Variants in PID1 observed in about 807,000 individuals in gnomAD.
PID1 encodes the protein phosphotyrosine interaction domain containing 1, also known as PTB-containing, cubilin and LRP1-interacting protein.
PID1 carries 10 observed loss-of-function variants against 19.1 expected under a neutral mutation model. The ratio of observed to expected loss-of-function variants is 0.52; its 90% CI spans 0.32 to 0.89. The LOEUF is 0.89. PID1 is among the 40% of genes least tolerant of loss of function. The pLI is 0.03. For missense variants in PID1, 248 were observed against 285.3 expected, an observed-to-expected ratio of 0.87 and a Z score of 0.94; for synonymous variants, 130 against 116.0, an observed-to-expected ratio of 1.12 and a Z score of -0.78.
intron 2 of PID1, among the ~76,000 whole-genome samples, chr2:229,096,242 A>G (rs1694968859): frequency 6.6e-6 from 1 of 152,174 alleles, no homozygotes. Context: ...AAAAAATGTG[A>G]TTAATCTGAA....
chr2:229,101,440 T>G (rs1695071697), intron 2 of PID1, among the ~76,000 whole-genome samples: 1 of 152,160 alleles, frequency 6.6e-6, no homozygotes, highest in Admixed American at 6.5e-5. Context: ...TGTAGGCATG[T>G]GCAGAAACTG....
intron 2 of PID1, among the ~76,000 whole-genome samples, chr2:229,042,137 T>C (rs956705324): frequency 6.6e-6 from 1 of 152,018 alleles, no homozygotes; most frequent in Non-Finnish European, 1.5e-5. Context: ...CATTTTGCTA[T>C]CAAACAGTTC....
chr2:229,120,223 C>T (rs77750028), intron 2 of PID1, among the ~76,000 whole-genome samples: 14,725 of 152,158 alleles, frequency 0.097, 875 homozygotes, highest in South Asian at 0.26. Context: ...CCACATATAA[C>T]TTTTGATTCC....
At chr2:229,081,361 G>A (rs1320591706) in intron 2 of PID1, among the ~76,000 whole-genome samples, 2 of 152,170 alleles carry the variant, frequency 1.3e-5, no homozygotes, top group Non-Finnish European at 2.9e-5. Context: ...TAATGATAAT[G>A]CAACATAAAA....
intron 1 of PID1, among the ~76,000 whole-genome samples, chr2:229,216,052 C>T (rs1467454346): frequency 6.6e-6 from 1 of 152,148 alleles, no homozygotes. Flanking sequence ...GAGGATGTCC[C>T]CCTCAGTGAC....
At chr2:229,254,544 C>T (rs968601831) in intron 1 of PID1, among the ~76,000 whole-genome samples, 5 of 152,160 alleles carry the variant, frequency 3.3e-5, no homozygotes, top group African/African-American at 1.2e-4. Context: ...AGTAACTAAT[C>T]ATGTTTCTCT....
At chr2:229,139,429 A>G (rs954942916) in intron 2 of PID1, among the ~76,000 whole-genome samples, 1 of 152,174 alleles carries the variant, frequency 6.6e-6, no homozygotes, top group Non-Finnish European at 1.5e-5. Flanking sequence ...CCCCACCCAC[A>G]GAATCTAAGA....
chr2:229,264,599 T>C (rs1230862073), intron 1 of PID1, among the ~76,000 whole-genome samples: 3 of 152,068 alleles, frequency 2.0e-5, no homozygotes, highest in East Asian at 3.9e-4. Context: ...TTCCTATACA[T>C]TGAGAATAAA....
chr2:229,179,020 T>C (rs1690884571), intron 1 of PID1, among the ~76,000 whole-genome samples: 1 of 152,148 alleles, frequency 6.6e-6, no homozygotes, highest in Admixed American at 6.5e-5. Flanking sequence ...TGTGATCCCT[T>C]TAACCACTAA....
intron 2 of PID1, among the ~76,000 whole-genome samples, chr2:229,086,921 A>ACACG: frequency 6.7e-6 from 1 of 150,350 alleles, no homozygotes; most frequent in South Asian, 2.1e-4. Context: ...ACACACACAC[A>ACACG]CACACACACA....
At chr2:229,217,094 T>C (rs1691864266) in intron 1 of PID1, among the ~76,000 whole-genome samples, 1 of 152,158 alleles carries the variant, frequency 6.6e-6, no homozygotes, top group African/African-American at 2.4e-5. Flanking sequence ...CCAGTGTCCT[T>C]TACTTTCCAT....
intron 1 of PID1, among the ~76,000 whole-genome samples, chr2:229,172,757 G>A (rs1431591238): frequency 6.6e-6 from 1 of 152,064 alleles, no homozygotes; most frequent in Non-Finnish European, 1.5e-5. Flanking sequence ...TGAGACAAGA[G>A]TTTCACTCTT....
intron 2 of PID1, among the ~76,000 whole-genome samples, chr2:229,096,222 T>A (rs1037778112): frequency 6.6e-6 from 1 of 152,192 alleles, no homozygotes; most frequent in East Asian, 1.9e-4. Context: ...CTTATCTCTT[T>A]CACTTTGGAA....
intron 2 of PID1, among the ~76,000 whole-genome samples, chr2:229,058,768 G>A (rs1043311779): frequency 1.4e-5 from 2 of 145,226 alleles, no homozygotes; most frequent in Admixed American, 1.4e-4. Flanking sequence ...GGCAAAGTCA[G>A]AATCTATTTT....
At chr2:229,041,825 C>G (rs542913173) in intron 2 of PID1, among the ~76,000 whole-genome samples, 2 of 151,868 alleles carry the variant, frequency 1.3e-5, no homozygotes, top group East Asian at 3.9e-4. Flanking sequence ...AATGGAAGGG[C>G]ATTGCTTAAA....
intron 2 of PID1, among the ~76,000 whole-genome samples, chr2:229,107,074 G>C (rs546073413): frequency 6.6e-6 from 1 of 152,226 alleles, no homozygotes; most frequent in African/African-American, 2.4e-5. Flanking sequence ...AGGACCTATG[G>C]GGATGGAGGT....
At chr2:229,042,500 C>T (rs1334875761) in intron 2 of PID1, among the ~76,000 whole-genome samples, 1 of 152,156 alleles carries the variant, frequency 6.6e-6, no homozygotes, top group African/African-American at 2.4e-5. Flanking sequence ...CTCATGCTGG[C>T]TGGATCAATC....
intron 2 of PID1, among the ~76,000 whole-genome samples, chr2:229,092,376 G>A (rs1390441718): frequency 1.3e-5 from 2 of 152,162 alleles, no homozygotes; most frequent in Non-Finnish European, 2.9e-5. Flanking sequence ...GAGGGGCATA[G>A]GCAACTCAAC....
intron 2 of PID1, among the ~76,000 whole-genome samples, chr2:229,089,782 T>C (rs1233854900): frequency 6.6e-6 from 1 of 152,184 alleles, no homozygotes. Flanking sequence ...GACTGTGGTG[T>C]TGATTTCTGT....
Sources: gnomAD v4.1 joint callset for allele counts (sites outside exome capture counted in the v4.1 genomes callset) on GRCh38, gnomAD v4.1.1 for gene constraint, MANE v1.5 for transcripts, NCBI Gene and HGNC (gene_info 2026-07-23, HGNC 2026-07-21) for gene names.